Variants in FYCO1 observed in about 807,000 individuals in gnomAD.
FYCO1 encodes FYVE and coiled-coil domain autophagy adaptor 1.
In FYCO1, 122 loss-of-function variants were observed where a neutral mutation model predicts 165.1. The ratio of observed to expected loss-of-function variants is 0.74; its 90% CI spans 0.64 to 0.86. The LOEUF (loss-of-function observed/expected upper bound fraction) is 0.86, where lower values mean the gene tolerates loss of function less well. Among genes scored for constraint, FYCO1 ranks in the 40% least tolerant of loss-of-function variants. The pLI, the probability that FYCO1 is intolerant of heterozygous loss-of-function variation, is 0.00. For synonymous variants in FYCO1, 648 were observed against 742.5 expected (o/e 0.87, Z 2.07); for missense variants, 1,702 against 1,810.3 (o/e 0.94, Z 1.09).
Position 45,967,157 on chromosome 3 carries a change from C to G in FYCO1, c.2177G>C (p.Arg726Pro). Reference protein sequence around the residue: ...VEQCQQLAEARHRELRALESQ... With the variant: ...VEQCQQLAEAPHRELRALESQ... ...CTCGAGAGCCCTAAGCTCTCTGTGC[C>G]GGGCTTCTGCCAGTTGCTGGCACTG... The change falls in exon 8 of 18, where the codon CGG (arginine) becomes CCG (proline). Residue 726 changes from arginine to proline, a missense_variant. Coordinates refer to ENST00000296137, the MANE Select transcript of FYCO1 (RefSeq NM_024513.4). The G allele has an allele frequency of 6.2e-7, 1 of 1,613,320 alleles. No individual in the cohort carries two copies.
At position 45,968,329 on chromosome 3, in the gene FYCO1, T is replaced by C; in HGVS notation, c.1005A>G (p.Thr335=). The C allele has an allele frequency of 2.5e-6, 4 of 1,613,828 alleles. No homozygotes were observed. In the South Asian group the frequency reaches 4.4e-5, roughly 18 times the overall value. The change falls in exon 8 of 18, where the codon ACA becomes ACG. Residue 335 remains threonine, a synonymous_variant. Coordinates refer to ENST00000296137, the MANE Select transcript of FYCO1 (RefSeq NM_024513.4). The stretch of plus-strand genomic sequence containing the variant: ...GCATGGACTCCAGCCGCCGCAGGGC[T>C]GTGTGGTAGTCCTCCTCCTTCTCTG... ...GAAEKEEDYH[T]ALRRLESMLQ...
Position 45,994,218 on chromosome 3 carries a change from C to CA in FYCO1, c.-113+1503dup, listed in dbSNP as rs11328676. Among the ~76,000 whole-genome samples, 540 of 136,916 alleles carry CA rather than the reference C, an allele frequency of 3.9e-3. 2 individuals are homozygous for CA. Among genetic ancestry groups the CA allele is most frequent in the African/African-American group, 0.011 (379 of 34,110 alleles). The allele number at this position is 136,916 out of a possible 152,430, so 89.8% of individuals were successfully genotyped here. ...CTGTTACCAATCTCTAAAGTAACTGCAAAAAAAAAAAAAAATCAAAGTAAA... is the reference window on the plus strand; with the variant it reads ...CTGTTACCAATCTCTAAAGTAACTGCAAAAAAAAAAAAAAAATCAAAGTAAA... On this transcript the variant is annotated intron_variant, in intron 1 of 17. Transcript: ENST00000296137.
intron 5 of FYCO1, among the ~76,000 whole-genome samples, chr3:45,973,812 C>T (rs2125859985): frequency 6.6e-6 from 1 of 152,340 alleles, no homozygotes; most frequent in South Asian, 2.1e-4. Context: ...AATCCCAACA[C>T]TTTGGGAAGC....
chr3:45,933,235 C>T (rs1703716742), intron 15 of FYCO1, among the ~76,000 whole-genome samples: 1 of 152,214 alleles, frequency 6.6e-6, no homozygotes, highest in Admixed American at 6.5e-5. Flanking sequence ...TTTCAGTTTA[C>T]ATGAGTCAAG....
At position 45,921,651 on chromosome 3, in the gene FYCO1, A is replaced by G. The variant is rs1703097091; in HGVS notation, c.*114T>C. ...AGACACCGCCTCTGAGGGGCAGCCC[A>G]GGGGCTGAGTTGATGATTTTGGAGC... On this transcript the variant is annotated 3_prime_UTR_variant, in exon 18 of 18. Transcript: ENST00000296137. 1 of 771,440 alleles carries G rather than the reference A, an allele frequency of 1.3e-6. No homozygotes were observed. The highest frequency in any genetic ancestry group is 2.3e-6 in the Non-Finnish European group (1 of 433,634). 47.8% of individuals were successfully genotyped at this position (771,440 alleles called of 1,614,324 possible).
intron 14 of FYCO1, chr3:45,946,665 T>C: frequency 6.2e-7 from 1 of 1,614,214 alleles, no homozygotes; most frequent in Non-Finnish European, 8.5e-7. Context: ...CTACCATAAG[T>C]TGCAGAGCCT....
chr3:45,947,266 C>T, intron 14 of FYCO1: 1 of 1,614,088 alleles, frequency 6.2e-7, no homozygotes. Context: ...GAATACTATG[C>T]CATGACCAGC....
chr3:45,966,629 T>C lies in FYCO1; in HGVS notation c.2705A>G (p.Asn902Ser), dbSNP rs1706035007. 6.2e-7 allele frequency: 1 copy of C among 1,614,178 alleles called. No individual in the cohort carries two copies. Among genetic ancestry groups the C allele is most frequent in the Non-Finnish European group, 8.5e-7 (1 of 1,180,036 alleles). The stretch of plus-strand genomic sequence containing the variant: ...GATGCCCAGCTCAGCTGTGTCTGTG[T>C]TGGCCCGGTGCAGCTGCTCTTGCAG... The part of the protein sequence containing the change: ...AELQEQLHRA[N>S]TDTAELGIQV... Residue 902 changes from asparagine to serine, a missense_variant, in exon 8 of 18, where the codon AAC becomes AGC. Physicochemically the swap from Asn to Ser is conservative, Grantham distance 46. Coordinates refer to ENST00000296137, the MANE Select transcript of FYCO1 (RefSeq NM_024513.4).
At position 45,966,290 on chromosome 3, in the gene FYCO1, T is replaced by G; in HGVS notation, c.3044A>C (p.Gln1015Pro). 6.2e-7 allele frequency: 1 copy of G among 1,614,092 alleles called. No homozygotes were observed. Among genetic ancestry groups the G allele is most frequent in the Non-Finnish European group, 8.5e-7 (1 of 1,180,028 alleles). Residue 1015 changes from glutamine (Q) to proline (P), a missense_variant, in exon 8 of 18, where the codon CAG (glutamine) becomes CCG (proline). Transcript: ENST00000296137. Reference sequence around the variant, plus strand: ...AGCTAGGATTACCTTAAGTCTGCTCTGGTAGTCCATGATTTCAGCACTCAG... The same window carrying G: ...AGCTAGGATTACCTTAAGTCTGCTCGGGTAGTCCATGATTTCAGCACTCAG... ...FQLSAEIMDYQSRLKNAGEEC... is the reference protein window; with the variant it reads ...FQLSAEIMDYPSRLKNAGEEC...
chr3:45,964,548 G>A lies in FYCO1; in HGVS notation c.3151-94C>T. The A allele has an allele frequency of 1.3e-6, 2 of 1,580,062 alleles. No individual in the cohort carries two copies. The highest frequency in any genetic ancestry group is 1.7e-6 in the Non-Finnish European group (2 of 1,164,512). On this transcript the variant is annotated intron_variant, in intron 9 of 17. Transcript: ENST00000296137. This position sits in a 1 kb window ranked among gnomAD's most constrained non-coding sequence, Gnocchi z 4.1. ...GGTGTGCCATCCACCCCATCTGGCT[G>A]GGTCACTTCTAAATGGAGGGTTGTT...
At chr3:45,935,182 C>T (rs1703828077) in intron 15 of FYCO1, among the ~76,000 whole-genome samples, 1 of 152,188 alleles carries the variant, frequency 6.6e-6, no homozygotes, top group Admixed American at 6.5e-5. Context: ...TGGTCTCTGC[C>T]CTCTCTGCCA....
At chr3:45,946,550 T>G in intron 14 of FYCO1, 1 of 1,614,176 alleles carries the variant, frequency 6.2e-7, no homozygotes, top group Non-Finnish European at 8.5e-7. Flanking sequence ...AGGAGGAGCA[T>G]CAAGACTTCC....
chr3:45,976,119 T>G (rs1258999046), intron 4 of FYCO1, among the ~76,000 whole-genome samples: 1 of 152,112 alleles, frequency 6.6e-6, no homozygotes, highest in Non-Finnish European at 1.5e-5. Context: ...ATAAAATGGA[T>G]ATGGGTCTGT....
intron 14 of FYCO1, among the ~76,000 whole-genome samples, chr3:45,950,906 C>A (rs924200688): frequency 3.3e-5 from 5 of 152,188 alleles, no homozygotes; most frequent in Non-Finnish European, 7.3e-5. Flanking sequence ...TTCACCATAT[C>A]CTGTTCTCAT....
Position 45,966,568 on chromosome 3 carries a change from C to G in FYCO1, c.2766G>C (p.Val922=). 1 of 1,614,220 alleles carries G rather than the reference C, an allele frequency of 6.2e-7. No homozygotes were observed. Among genetic ancestry groups the G allele is most frequent in the Non-Finnish European group, 8.5e-7 (1 of 1,180,042 alleles). Residue 922 remains valine (V), a synonymous_variant, in exon 8 of 18, where the codon GTG becomes GTC. Transcript: ENST00000296137. ...VCALTVEKER[V]EEALACAVQE... is the part of the protein sequence containing the mutation. Reference sequence around the variant, plus strand: ...GGACAGCACAGGCCAGTGCCTCCTCCACTCGCTCCTTTTCCACGGTCAGTG... The same window carrying G: ...GGACAGCACAGGCCAGTGCCTCCTCGACTCGCTCCTTTTCCACGGTCAGTG...
At chr3:45,979,447 C>T (rs1025068965) in intron 4 of FYCO1, among the ~76,000 whole-genome samples, 1 of 152,236 alleles carries the variant, frequency 6.6e-6, no homozygotes. Flanking sequence ...ATAGGCCACC[C>T]TGTTAAGTAA....
chr3:45,961,128 A>T (rs746471432), intron 11 of FYCO1, among the ~76,000 whole-genome samples: 12 of 152,240 alleles, frequency 7.9e-5, no homozygotes, highest in Non-Finnish European at 1.6e-4. Flanking sequence ...GAGACACAGC[A>T]ATTGCAATAG....
intron 14 of FYCO1, chr3:45,947,546 T>C: frequency 1.3e-6 from 2 of 1,543,958 alleles, no homozygotes; most frequent in Non-Finnish European, 1.8e-6. Context: ...CTCTGGAATT[T>C]GCAAGTCATG....
chr3:45,923,004 G>C (rs1319805065), intron 17 of FYCO1, among the ~76,000 whole-genome samples: 1 of 152,118 alleles, frequency 6.6e-6, no homozygotes, highest in East Asian at 1.9e-4. Flanking sequence ...AGTCAATGCT[G>C]GTCCTGTCTC....
Sources: allele counts gnomAD v4.1 joint callset (sites outside exome capture counted in the v4.1 genomes callset), GRCh38; gene constraint gnomAD v4.1.1; non-coding constraint Gnocchi (gnomAD v3.1); transcripts MANE v1.5; gene names NCBI Gene and HGNC (gene_info 2026-07-23, HGNC 2026-07-21).